Variants in CLIC3 observed in about 807,000 individuals in gnomAD.
CLIC3 encodes the protein chloride intracellular channel protein 3.
A neutral mutation model predicts 19.9 loss-of-function variants in CLIC3; 29 were observed. That is an observed-to-expected ratio of 1.46 (90% confidence interval 1.09 to 1.99). The LOEUF (loss-of-function observed/expected upper bound fraction) is 1.99, where lower values mean the gene tolerates loss of function less well. CLIC3 is among the 30% of genes most tolerant of loss of function. CLIC3 has a pLI of 0.00. For synonymous variants in CLIC3, 143 were observed against 156.4 expected, an observed-to-expected ratio of 0.91 and a Z score of 0.64; for missense variants, 365 against 342.6, an observed-to-expected ratio of 1.07 and a Z score of -0.52.
intron 4 of CLIC3, 27 bp from the exon 5 acceptor site, chr9:136,995,132 C>G: frequency 1.3e-6 from 2 of 1,581,984 alleles, no homozygotes; most frequent in Non-Finnish European, 1.7e-6. Flanking sequence ...GCGGTGAGGA[C>G]CAGGCCCAGG....
At chr9:136,995,394 C>T in intron 3 of CLIC3, 48 bp downstream of exon 3, 1 of 1,610,084 alleles carries the variant, frequency 6.2e-7, no homozygotes, top group Non-Finnish European at 8.5e-7. Context: ...TGCGCGCGTC[C>T]TCCCTGGGCC....
At position 136,995,651 on chromosome 9, in the gene CLIC3, C is replaced by T. The variant is rs933344805; in HGVS notation, c.140G>A (p.Arg47His). Reference protein sequence around the residue: ...VPFTLTTVDTRRSPDVLKDFA... With the variant: ...VPFTLTTVDTHRSPDVLKDFA... ...GGTCCACAGGATGGGGCCTCACCTG[C>T]GCGTGTCCACCGTGGTGAGGGTGAA... Residue 47 changes from arginine to histidine, a missense_variant, in exon 2 of 6, where the codon CGC becomes CAC. Arg to His is a conservative substitution (Grantham distance 29, BLOSUM62 0). Coordinates refer to ENST00000494426, the MANE Select transcript of CLIC3 (RefSeq NM_004669.3). 2.7e-5 allele frequency: 43 copies of T among 1,610,288 alleles called. No homozygotes were observed. Among genetic ancestry groups the T allele is most frequent in the Non-Finnish European group, 3.3e-5 (39 of 1,178,506 alleles).
In CLIC3 at chr9:136,995,662, C is replaced by A. The variant is rs772540716; in HGVS notation, c.129G>T (p.Thr43=). 2.5e-6 allele frequency: 4 copies of A among 1,610,556 alleles called. No individual in the cohort carries two copies. In the Admixed American group the frequency reaches 5.0e-5, roughly 20 times the overall value. Reference sequence around the variant, plus strand: ...TGGGGCCTCACCTGCGCGTGTCCACCGTGGTGAGGGTGAAAGGTACGCCCT... The same window carrying A: ...TGGGGCCTCACCTGCGCGTGTCCACAGTGGTGAGGGTGAAAGGTACGCCCT... The part of the protein sequence containing the change: ...LLKGVPFTLT[T]VDTRRSPDVL... Residue 43 remains threonine (T), a synonymous_variant, in exon 2 of 6, where the codon ACG becomes ACT. Transcript: ENST00000494426.
At position 136,996,530 on chromosome 9, in the gene CLIC3, T is replaced by C. The variant is rs1830706303; in HGVS notation, c.14A>G (p.Lys5Arg). The C allele has an allele frequency of 6.4e-7, 1 of 1,555,116 alleles. No individual in the cohort carries two copies. Among genetic ancestry groups the C allele is most frequent in the Admixed American group, 1.9e-5 (1 of 51,390 alleles). Reference protein sequence around the residue: MAETKLQLFVKASED... With the variant: MAETRLQLFVKASED... ...CTGCACCTTGACAAACAGCTGGAGC[T>C]TGGTCTCCGCCATGGTGGGAGCTGC... Residue 5 changes from lysine to arginine, a missense_variant, in exon 1 of 6, where the codon AAG (lysine) becomes AGG (arginine). Coordinates refer to ENST00000494426, the MANE Select transcript of CLIC3 (RefSeq NM_004669.3).
rs1180366651 is a variant in CLIC3, at chr9:136,995,244, G to T, written c.318C>A (p.Asn106Lys). The change falls in exon 4 of 6, where the codon AAC (asparagine) becomes AAA (lysine). Residue 106 changes from asparagine (N) to lysine (K), a missense_variant. Transcript: ENST00000494426. ...ACGCGGAGAACTTGTGGAAAACGTCGTTGCCGGCGGTGTTGGACTCCCTGT... is the reference window on the plus strand; with the variant it reads ...ACGCGGAGAACTTGTGGAAAACGTCTTTGCCGGCGGTGTTGGACTCCCTGT... Reference protein sequence around the residue: ...PRYRESNTAGNDVFHKFSAFI... With the variant: ...PRYRESNTAGKDVFHKFSAFI... 6.2e-7 allele frequency: 1 copy of T among 1,612,810 alleles called. No individual in the cohort carries two copies. Among genetic ancestry groups the T allele is most frequent in the Non-Finnish European group, 8.5e-7 (1 of 1,179,912 alleles).
Position 136,996,480 on chromosome 9 carries a change from C to T in CLIC3, c.33+31G>A, listed in dbSNP as rs1413047323. 1.9e-6 allele frequency: 3 copies of T among 1,549,434 alleles called. No homozygotes were observed. In the South Asian group the frequency reaches 3.6e-5, roughly 18 times the overall value. ...GCCCAGAAAAGCGCTTCCTCCCAGA[C>T]ACCCTCCCCGCAGCTGAGTCCGCCC... is the stretch of plus-strand genomic sequence containing the variant. On this transcript the variant is annotated intron_variant, in intron 1 of 5. Transcript: ENST00000494426.
chr9:136,994,660 CGACA>C lies in CLIC3; in HGVS notation c.*17_*20del. On this transcript the variant is annotated 3_prime_UTR_variant, in exon 6 of 6. Transcript: ENST00000494426. ...TCCCGACAAAGATGCCTTTATTGGGCGACAGACGCGGGGTGGGGCGCTAGCGGGG... is the reference window on the plus strand; with the variant it reads ...TCCCGACAAAGATGCCTTTATTGGGCGACGCGGGGTGGGGCGCTAGCGGGG... The C allele has an allele frequency of 1.3e-6, 2 of 1,596,772 alleles. No individual in the cohort carries two copies. Among genetic ancestry groups the C allele is most frequent in the South Asian group, 2.2e-5 (2 of 89,342 alleles).
In CLIC3 at chr9:136,995,273, G is replaced by C; in HGVS notation, c.289C>G (p.Arg97Gly). ...CCGGCGGTGTTGGACTCCCTGTAAC[G>C]AGGCGCCAGGCTGGGGAAGCTGCGG... ...GPPDFPSLAPRYRESNTAGND... is the reference protein window; with the variant it reads ...GPPDFPSLAPGYRESNTAGND... Residue 97 changes from arginine (R) to glycine (G), a missense_variant, in exon 4 of 6, where the codon CGT (arginine) becomes GGT (glycine). Coordinates refer to ENST00000494426, the MANE Select transcript of CLIC3 (RefSeq NM_004669.3). 1 of 1,612,684 alleles carries C rather than the reference G, an allele frequency of 6.2e-7. No individual in the cohort carries two copies. Among genetic ancestry groups the C allele is most frequent in the South Asian group, 1.1e-5 (1 of 91,084 alleles).
rs1439037195 is a variant in CLIC3 at position 136,995,476 on chromosome 9, C to G, written c.235G>C (p.Glu79Gln). The G allele has an allele frequency of 6.2e-7, 1 of 1,612,624 alleles. No individual in the cohort carries two copies. The highest frequency in any genetic ancestry group is 2.2e-5 in the East Asian group (1 of 44,868). ...CCCAGCGTCTCCTCCAGAAAGTCCT[C>G]GATCTGCAGCGTGTCTGTCTTGGCG... ...SDAKTDTLQI[E>Q]DFLEETLGPP... is the part of the protein sequence containing the mutation. The change falls in exon 3 of 6, where the codon GAG (glutamate) becomes CAG (glutamine). Residue 79 changes from glutamate (E) to glutamine (Q), a missense_variant. Coordinates refer to ENST00000494426, the MANE Select transcript of CLIC3 (RefSeq NM_004669.3).
rs1169324272 is a variant in CLIC3, at chr9:136,995,775, G to C, written c.34-18C>G. ...TCACTCGCCTGGGTGGGTGGAGCGG[G>C]GGTGGGGGGTCAGGGCTGGAAGCAG... On this transcript the variant is annotated intron_variant, in intron 1 of 5. Coordinates refer to ENST00000494426, the MANE Select transcript of CLIC3 (RefSeq NM_004669.3). The C allele has an allele frequency of 6.7e-7, 1 of 1,500,434 alleles. No homozygotes were observed. The highest frequency in any genetic ancestry group is 9.0e-7 in the Non-Finnish European group (1 of 1,107,172). 92.9% of individuals were successfully genotyped at this position (1,500,434 alleles called of 1,614,324 possible).
At chr9:136,995,885 C>A in intron 1 of CLIC3, 128 bp from the exon 2 acceptor site, 1 of 650,794 alleles carries the variant, frequency 1.5e-6, no homozygotes, top group South Asian at 1.9e-5. Flanking sequence ...CCAGCTTGGT[C>A]GGCGCGACTT....
intron 1 of CLIC3, among the ~76,000 whole-genome samples, chr9:136,996,087 T>C (rs1830701150): frequency 6.6e-6 from 1 of 152,160 alleles, no homozygotes; most frequent in African/African-American, 2.4e-5. Context: ...AGCTGTTTTC[T>C]GAGTGATTCA....
rs150822045 is a variant in CLIC3, at chr9:136,996,538, C to T, written c.6G>A (p.Ala2=). M[A]ETKLQLFVKA... is the part of the protein sequence containing the mutation. Reference sequence around the variant, plus strand: ...TGACAAACAGCTGGAGCTTGGTCTCCGCCATGGTGGGAGCTGCCGCGGTCA... The same window carrying T: ...TGACAAACAGCTGGAGCTTGGTCTCTGCCATGGTGGGAGCTGCCGCGGTCA... The change falls in exon 1 of 6, where the codon GCG becomes GCA. Residue 2 remains alanine, a synonymous_variant. Transcript: ENST00000494426. 1,479 of 1,554,484 alleles carry T rather than the reference C, an allele frequency of 9.5e-4. 14 individuals are homozygous for T. In the African/African-American group the frequency reaches 0.017, roughly 18 times the overall value.
chr9:136,995,677 AGGT>A lies in CLIC3; in HGVS notation c.111_113del (p.Pro38del). The A allele has an allele frequency of 6.2e-7, 1 of 1,609,956 alleles. No individual in the cohort carries two copies. Among genetic ancestry groups the A allele is most frequent in the Non-Finnish European group, 8.5e-7 (1 of 1,178,846 alleles). ...GCGTGTCCACCGTGGTGAGGGTGAA[AGGT>A]ACGCCCTTGAGGAGCAGGACCATGA... On this transcript the variant is annotated inframe_deletion, in exon 2 of 6. Transcript: ENST00000494426.
At chr9:136,996,152 C>T (rs916580393) in intron 1 of CLIC3, among the ~76,000 whole-genome samples, 4 of 152,166 alleles carry the variant, frequency 2.6e-5, no homozygotes, top group African/African-American at 7.2e-5. Flanking sequence ...CCCCAGTCCC[C>T]GACCTGAGAG....
rs1048965874 is a variant in CLIC3 at position 136,995,309 on chromosome 9, T to TG, written c.270-18dup. 6.2e-6 allele frequency: 10 copies of TG among 1,609,490 alleles called. No individual in the cohort carries two copies. In the Admixed American group the frequency reaches 1.7e-4, roughly 27 times the overall value. ...CTGGGGAAGCTGCGGGATGAGGGGG[T>TG]GGGACTCCATTAGACTGGGGGCAGC... On this transcript the variant is annotated splice_polypyrimidine_tract_variant and intron_variant, in intron 3 of 5. Coordinates refer to ENST00000494426, the MANE Select transcript of CLIC3 (RefSeq NM_004669.3).
Position 136,994,722 on chromosome 9 carries a change from C to T in CLIC3, c.670G>A (p.Glu224Lys). Residue 224 changes from glutamate to lysine, a missense_variant, in exon 6 of 6, where the codon GAG becomes AAG. Physicochemically the swap from Glu to Lys is moderately conservative, Grantham distance 56 (BLOSUM62 1). Transcript: ENST00000494426. ...GCGGGCCGGTAGGCCGCCAGGATCT[C>T]GGCGCTGTGCGGACACGTGTATTTG... The part of the protein sequence containing the change: ...EFKYTCPHSA[E>K]ILAAYRPAVH... 6.2e-7 allele frequency: 1 copy of T among 1,609,798 alleles called. No homozygotes were observed.
rs1483075254 is a variant in CLIC3 at position 136,995,548 on chromosome 9, C to T, written c.163G>A (p.Asp55Asn). 1 of 1,612,450 alleles carries T rather than the reference C, an allele frequency of 6.2e-7. No individual in the cohort carries two copies. ...GGCAGCTGCGAGCCGGGGGCGAAGT[C>T]CTTCAGCACGTCCGGGGACCTGCGG... ...DTRRSPDVLK[D>N]FAPGSQLPIL... is the part of the protein sequence containing the mutation. Residue 55 changes from aspartate to asparagine, a missense_variant, in exon 3 of 6, where the codon GAC becomes AAC. By Grantham distance (23) the Asp-to-Asn change is conservative (BLOSUM62 1). Coordinates refer to ENST00000494426, the MANE Select transcript of CLIC3 (RefSeq NM_004669.3).
rs1228882237 is a variant in CLIC3 at position 136,994,616 on chromosome 9, G to T, written c.*65C>A. The T allele has an allele frequency of 2.6e-6, 4 of 1,523,582 alleles. No homozygotes were observed. The African/African-American group carries it at 5.6e-5, about 21-fold the overall frequency. 94.4% of individuals were successfully genotyped at this position (1,523,582 alleles called of 1,614,324 possible). On this transcript the variant is annotated 3_prime_UTR_variant, in exon 6 of 6. Coordinates refer to ENST00000494426, the MANE Select transcript of CLIC3 (RefSeq NM_004669.3). The stretch of plus-strand genomic sequence containing the variant: ...TGATCCCGAGACCTCTGGCCCTTCA[G>T]ATGTCAGGACACCCTCACTCCCGAC...
Sources: gnomAD v4.1 joint callset for allele counts (sites outside exome capture counted in the v4.1 genomes callset) on GRCh38, gnomAD v4.1.1 for gene constraint, MANE v1.5 for transcripts, NCBI Gene and HGNC (gene_info 2026-07-23, HGNC 2026-07-21) for gene names.